Variants in MACC1 observed in about 807,000 individuals in gnomAD.
MACC1 encodes MET transcriptional regulator MACC1, also known as metastasis-associated in colon cancer protein 1.
A neutral mutation model predicts 70.7 loss-of-function variants in MACC1; 79 were observed. That is an observed-to-expected ratio of 1.12 (90% CI 0.93 to 1.35). MACC1 has a LOEUF of 1.35. Ranked by LOEUF, MACC1 falls within the 40% of genes most tolerant of loss-of-function variation. The probability of loss-of-function intolerance (pLI) is 0.00; values close to 1 mark genes in which losing one functional copy is unlikely to be tolerated. For missense variants in MACC1, 1,106 were observed against 978.1 expected (o/e 1.13, Z -1.74); for synonymous variants, 361 against 347.2 (o/e 1.04, Z -0.44).
At chr7:20,181,187 A>G (rs1255349717) in intron 1 of MACC1, among the ~76,000 whole-genome samples, 1 of 152,074 alleles carries the variant, frequency 6.6e-6, no homozygotes, top group East Asian at 1.9e-4. Context: ...AGCTAAAACT[A>G]TGTTCTAAAA....
intron 6 of MACC1, among the ~76,000 whole-genome samples, chr7:20,147,697 C>G (rs1447506061): frequency 6.6e-6 from 1 of 152,182 alleles, no homozygotes; most frequent in African/African-American, 2.4e-5. Flanking sequence ...TAAAACTTGA[C>G]ACAAGATTCC....
chr7:20,177,072 A>G (rs1041072671), intron 1 of MACC1, among the ~76,000 whole-genome samples: 3 of 152,142 alleles, frequency 2.0e-5, no homozygotes, highest in East Asian at 1.9e-4. Context: ...ACAAGTGTCA[A>G]TTTCCTGGTT....
chr7:20,178,150 A>C (rs184565954), intron 1 of MACC1, among the ~76,000 whole-genome samples: 2 of 152,278 alleles, frequency 1.3e-5, no homozygotes, highest in East Asian at 3.9e-4. Flanking sequence ...AAGAATGTAT[A>C]AATTTATTTT....
At position 20,159,426 on chromosome 7, in the gene MACC1, T is replaced by G; in HGVS notation, c.935A>C (p.His312Pro). 6.2e-7 allele frequency: 1 copy of G among 1,614,066 alleles called. No homozygotes were observed. Among genetic ancestry groups the G allele is most frequent in the Non-Finnish European group, 8.5e-7 (1 of 1,180,018 alleles). Reference sequence around the variant, plus strand: ...AAAAGGGCCTTCTTTACCCAAGCTGTGTAAACACACCATTTCTGTCATGAC... The same window carrying G: ...AAAAGGGCCTTCTTTACCCAAGCTGGGTAAACACACCATTTCTGTCATGAC... ...SQVMTEMVCL[H>P]SLGKEGPFKV... Residue 312 changes from histidine to proline, a missense_variant, in exon 5 of 7, where the codon CAC (histidine) becomes CCC (proline). His to Pro is a moderately conservative substitution (Grantham distance 77). Coordinates refer to ENST00000400331, the MANE Select transcript of MACC1 (RefSeq NM_182762.4).
Position 20,158,719 on chromosome 7 carries a change from A to G in MACC1, c.1642T>C (p.Leu548=), listed in dbSNP as rs546615731. The change falls in exon 5 of 7, where the codon TTG becomes CTG. Residue 548 remains leucine, a synonymous_variant. Transcript: ENST00000400331. The stretch of plus-strand genomic sequence containing the variant: ...GTTACCCCATAGTTGCTAAAGTTCA[A>G]TGTTTTATCTTGAAATGTAGGATAT... ...VKYPTFQDKT[L]NFSNYGVTLK... 5 of 1,613,876 alleles carry G rather than the reference A, an allele frequency of 3.1e-6. No individual in the cohort carries two copies. In the Admixed American group the frequency reaches 5.0e-5, roughly 16 times the overall value.
intron 1 of MACC1, among the ~76,000 whole-genome samples, chr7:20,172,400 T>C (rs544669814): frequency 1.3e-5 from 2 of 152,214 alleles, no homozygotes; most frequent in Non-Finnish European, 2.9e-5. Context: ...ATATTCAATG[T>C]AAATCTCTTT....
In MACC1 at chr7:20,159,127, T is replaced by C. The variant is rs773906738; in HGVS notation, c.1234A>G (p.Ile412Val). ...CAGAGCTGAAACACAACTGGAGATA[T>C]GTTTTTTCCACCCTTCTTAATATCA... ...ISDIKKGGKN[I>V]SPVVFQLWGK... is the part of the protein sequence containing the mutation. Residue 412 changes from isoleucine to valine, a missense_variant, in exon 5 of 7, where the codon ATA (isoleucine) becomes GTA (valine). Coordinates refer to ENST00000400331, the MANE Select transcript of MACC1 (RefSeq NM_182762.4). The C allele has an allele frequency of 1.2e-6, 2 of 1,613,768 alleles. No individual in the cohort carries two copies. The highest frequency in any genetic ancestry group is 1.3e-5 in the African/African-American group (1 of 74,910).
intron 1 of MACC1, among the ~76,000 whole-genome samples, chr7:20,204,696 C>T (rs1028733574): frequency 1.3e-5 from 2 of 152,004 alleles, no homozygotes; most frequent in Admixed American, 6.6e-5. Flanking sequence ...TTTTCACAGG[C>T]GACTACAGAA....
At chr7:20,161,715 T>C (rs1199437720) in intron 4 of MACC1, 33 bp downstream of exon 4, 1 of 1,334,138 alleles carries the variant, frequency 7.5e-7, no homozygotes, top group East Asian at 2.3e-5. Flanking sequence ...TATACTTACA[T>C]GGACAAATCA....
chr7:20,166,346 A>C (rs1782218455), intron 2 of MACC1, among the ~76,000 whole-genome samples: 1 of 152,194 alleles, frequency 6.6e-6, no homozygotes, highest in South Asian at 2.1e-4. Flanking sequence ...AAATGCAACC[A>C]GTATTTTTTT....
In MACC1 at chr7:20,161,878, G is replaced by A; in HGVS notation, c.-8-8C>T. 3 of 1,510,078 alleles carry A rather than the reference G, an allele frequency of 2.0e-6. No individual in the cohort carries two copies. Among genetic ancestry groups the A allele is most frequent in the South Asian group, 1.1e-5 (1 of 88,836 alleles). 93.5% of individuals were successfully genotyped at this position (1,510,078 alleles called of 1,614,324 possible). A position where few individuals can be genotyped will look rare whatever the true frequency, so the allele number is the denominator to read the frequency against. Reference sequence around the variant, plus strand: ...TGATTAGCATTTTTCCACCTACAAAGTAAATAGATAAGTATTTTTTGTAAG... The same window carrying A: ...TGATTAGCATTTTTCCACCTACAAAATAAATAGATAAGTATTTTTTGTAAG... On this transcript the variant is annotated splice_polypyrimidine_tract_variant and splice_region_variant and intron_variant, in intron 3 of 6. Transcript: ENST00000400331.
chr7:20,180,583 G>A (rs1011446628), intron 1 of MACC1, among the ~76,000 whole-genome samples: 2 of 152,082 alleles, frequency 1.3e-5, no homozygotes, highest in African/African-American at 2.4e-5. Context: ...CAGTGGCCAC[G>A]CCTGTAATCC....
chr7:20,158,494 T>C lies in MACC1; in HGVS notation c.1867A>G (p.Met623Val), dbSNP rs1782087835. The C allele has an allele frequency of 6.2e-7, 1 of 1,613,964 alleles. No individual in the cohort carries two copies. Among genetic ancestry groups the C allele is most frequent in the Admixed American group, 1.7e-5 (1 of 59,978 alleles). The change falls in exon 5 of 7, where the codon ATG becomes GTG. Residue 623 changes from methionine (M) to valine (V), a missense_variant. Transcript: ENST00000400331. ...GTAAAGACACTATCTGACATAAACATTACTTGCTCCTTTGAAATCACCTTG... is the reference window on the plus strand; with the variant it reads ...GTAAAGACACTATCTGACATAAACACTACTTGCTCCTTTGAAATCACCTTG... The part of the protein sequence containing the change: ...NVKVISKEQV[M>V]FMSDSVFTTR...
intron 1 of MACC1, among the ~76,000 whole-genome samples, chr7:20,214,946 C>A (rs1001347841): frequency 1.2e-4 from 18 of 152,094 alleles, no homozygotes; most frequent in Admixed American, 1.0e-3. Context: ...AAAGTTCCAC[C>A]ACCTCCCACA....
intron 6 of MACC1, among the ~76,000 whole-genome samples, chr7:20,142,538 A>C (rs961657956): frequency 3.9e-5 from 6 of 152,160 alleles, no homozygotes; most frequent in African/African-American, 1.2e-4. Flanking sequence ...CGGATTAATA[A>C]TTTTATCTTC....
chr7:20,149,842 G>A (rs1338451728), intron 6 of MACC1, among the ~76,000 whole-genome samples: 1 of 152,136 alleles, frequency 6.6e-6, no homozygotes, highest in Non-Finnish European at 1.5e-5. Context: ...TATTTTTTAA[G>A]TAAGTTAAAT....
chr7:20,196,231 A>C (rs1346692973), intron 1 of MACC1, among the ~76,000 whole-genome samples: 1 of 151,982 alleles, frequency 6.6e-6, no homozygotes, highest in Admixed American at 6.5e-5. Flanking sequence ...CCCAGGCTGG[A>C]GTGCAGTGGC....
chr7:20,183,640 C>T (rs1782543482), intron 1 of MACC1, among the ~76,000 whole-genome samples: 1 of 151,800 alleles, frequency 6.6e-6, no homozygotes, highest in East Asian at 1.9e-4. Context: ...TTCTTGCTTT[C>T]GTTTCTTTCC....
intron 1 of MACC1, among the ~76,000 whole-genome samples, chr7:20,202,834 C>G (rs189872590): frequency 6.8e-4 from 103 of 152,284 alleles, no homozygotes; most frequent in African/African-American, 2.4e-3. Context: ...AAGTGTAGCT[C>G]TAGAGTACTG....
Sources: allele counts gnomAD v4.1 joint callset (sites outside exome capture counted in the v4.1 genomes callset), GRCh38; gene constraint gnomAD v4.1.1; transcripts MANE v1.5; gene names NCBI Gene and HGNC (gene_info 2026-07-23, HGNC 2026-07-21).